ERG: variants seen among roughly 807,000 people sequenced by gnomAD.
ERG encodes transcriptional regulator ERG.
In ERG, 9 loss-of-function variants were observed where a neutral mutation model predicts 55.3. The observed-to-expected ratio is 0.16, with a 90% confidence interval of 0.10 to 0.28. ERG has a LOEUF of 0.28. Ranked by LOEUF, ERG falls within the 10% of genes least tolerant of loss-of-function variation. ERG has a pLI of 1.00. For missense variants in ERG, 434 were observed against 631.6 expected (o/e 0.69, Z 3.35); for synonymous variants, 223 against 237.3 (o/e 0.94, Z 0.55).
At chr21:38,542,611 A>C (rs992440942) in intron 2 of ERG, among the ~76,000 whole-genome samples, 5 of 152,158 alleles carry the variant, frequency 3.3e-5, no homozygotes, top group African/African-American at 1.2e-4. Flanking sequence ...AAAATAGAGA[A>C]ATAGATTGGT....
intron 3 of ERG, among the ~76,000 whole-genome samples, chr21:38,412,919 C>T (rs536559530): frequency 3.3e-5 from 5 of 152,202 alleles, no homozygotes; most frequent in African/African-American, 4.8e-5. Flanking sequence ...ATGAAGATTT[C>T]GTATTTACTT....
intron 2 of ERG, among the ~76,000 whole-genome samples, chr21:38,433,053 C>A (rs945997177): frequency 1.3e-5 from 2 of 152,134 alleles, no homozygotes; most frequent in African/African-American, 4.8e-5. Flanking sequence ...TGGAAGGTGG[C>A]AATGTTTATG....
intron 1 of ERG, among the ~76,000 whole-genome samples, chr21:38,578,330 T>C (rs964969384): frequency 2.6e-5 from 4 of 152,196 alleles, no homozygotes; most frequent in Non-Finnish European, 5.9e-5. Flanking sequence ...AGAGGGTAAA[T>C]AGCTTGTTTC....
intron 2 of ERG, among the ~76,000 whole-genome samples, chr21:38,519,489 G>C (rs1046386342): frequency 6.6e-6 from 1 of 152,090 alleles, no homozygotes; most frequent in Admixed American, 6.6e-5. Flanking sequence ...AAGAGAGAAA[G>C]CTGGAGAAAA....
the ERG span, among the ~76,000 whole-genome samples, chr21:38,373,346 T>C: frequency 3.9e-5 from 6 of 152,254 alleles, no homozygotes; most frequent in Admixed American, 3.9e-4. Flanking sequence ...CCAAGAACTT[T>C]GAGAAGTTCA....
intron 1 of ERG, among the ~76,000 whole-genome samples, chr21:38,637,289 C>G (rs966117107): frequency 1.3e-5 from 2 of 152,062 alleles, no homozygotes; most frequent in African/African-American, 4.8e-5. Context: ...GACCCACCTG[C>G]GAATTGGCAA....
At chr21:38,470,763 CT>C (rs1319640844) in intron 1 of ERG, 1 of 152,186 alleles carries the variant, frequency 6.6e-6, no homozygotes, top group Non-Finnish European at 1.5e-5. Context: ...CCATTAAATT[CT>C]GTTTCATTTA....
intron 1 of ERG, among the ~76,000 whole-genome samples, chr21:38,577,441 T>C (rs951727796): frequency 7.2e-5 from 11 of 152,090 alleles, no homozygotes; most frequent in Admixed American, 5.9e-4. Flanking sequence ...AAATATGTAC[T>C]TCCCCCCACC....
chr21:38,628,758 G>A (rs1052022219), intron 1 of ERG, among the ~76,000 whole-genome samples: 8 of 152,236 alleles, frequency 5.3e-5, no homozygotes, highest in Middle Eastern at 3.4e-3. Flanking sequence ...CACACCTTTC[G>A]TGCTCCAGAG....
chr21:38,589,221 A>G (rs950356290), upstream of ERG, among the ~76,000 whole-genome samples: 1 of 151,944 alleles, frequency 6.6e-6, no homozygotes. Context: ...AGTAGCCTGG[A>G]CCCCACGTGC....
intron 1 of ERG, among the ~76,000 whole-genome samples, chr21:38,463,916 A>G (rs1388899317): frequency 1.3e-5 from 2 of 151,862 alleles, no homozygotes; most frequent in Non-Finnish European, 2.9e-5. Context: ...TTTTTCACAC[A>G]CCCTTTTTAT....
rs937002909 is a variant in ERG at position 38,380,849 on chromosome 21, T to G, written c.*2554A>C. 6 of 1,065,040 alleles carry G rather than the reference T, an allele frequency of 5.6e-6. No homozygotes were observed. The African/African-American group carries it at 9.8e-5, about 17-fold the overall frequency. 66.0% of individuals were successfully genotyped at this position (1,065,040 alleles called of 1,614,324 possible). ...TATGATCTTGCTCATGAGACAGTCT[T>G]GAAGAGAGAACTGAGTGATTATCCA... On this transcript the variant is annotated 3_prime_UTR_variant, in exon 10 of 10. Transcript: ENST00000288319.
chr21:38,479,272 G>GA (rs2059215942), intron 1 of ERG, among the ~76,000 whole-genome samples: 1 of 152,182 alleles, frequency 6.6e-6, no homozygotes, highest in African/African-American at 2.4e-5. Context: ...GACCTGGTCT[G>GA]TTGGGAGATA....
At chr21:38,371,583 T>C in the ERG span, among the ~76,000 whole-genome samples, 2 of 152,052 alleles carry the variant, frequency 1.3e-5, no homozygotes, top group African/African-American at 4.8e-5. Context: ...TAATAAGATA[T>C]AGATGCTTAA....
intron 9 of ERG, among the ~76,000 whole-genome samples, chr21:38,385,610 A>G (rs960433523): frequency 1.3e-5 from 2 of 152,350 alleles, no homozygotes; most frequent in East Asian, 1.9e-4. Context: ...TCTATGCTGG[A>G]AAGTGCTCAT....
chr21:38,477,432 G>A (rs1057395011), intron 1 of ERG, among the ~76,000 whole-genome samples: 5 of 152,032 alleles, frequency 3.3e-5, no homozygotes, highest in East Asian at 3.9e-4. Context: ...TTTAATCTCC[G>A]AGAAGTTATT....
rs774459423 is a variant in ERG, at chr21:38,391,663, C to A, written c.867G>T (p.Gln289His). ...TVPKTEDQRPQLDPYQILGPT... is the reference protein window; with the variant it reads ...TVPKTEDQRPHLDPYQILGPT... ...CAGACGGCCCCTGAAACATACCTAACTGAGGACGCTGGTCTTCAGTTTTGG... is the reference window on the plus strand; with the variant it reads ...CAGACGGCCCCTGAAACATACCTAAATGAGGACGCTGGTCTTCAGTTTTGG... Residue 289 changes from glutamine (Q) to histidine (H), a missense_variant, in exon 8 of 10, where the codon CAG (glutamine) becomes CAT (histidine). Coordinates refer to ENST00000288319, the MANE Select transcript of ERG (RefSeq NM_182918.4). 12 of 1,613,332 alleles carry A rather than the reference C, an allele frequency of 7.4e-6. No individual in the cohort carries two copies. The South Asian group carries it at 1.3e-4, about 18-fold the overall frequency.
chr21:38,628,389 T>C lies in ERG; in HGVS notation c.-150+33269A>G, dbSNP rs2060337972. ...CATTTAAAAAACATTGTCAAGAGCT[T>C]TGCCCATCTAAGGGACCACATGAGC... On this transcript the variant is annotated intron_variant, in intron 1 of 10. Transcript: ENST00000398910. Among the ~76,000 whole-genome samples, 4 of 152,148 alleles carry C rather than the reference T, an allele frequency of 2.6e-5. No individual in the cohort carries two copies. The South Asian group carries it at 8.3e-4, about 32-fold the overall frequency.
intron 2 of ERG, among the ~76,000 whole-genome samples, chr21:38,423,813 C>T (rs969816152): frequency 6.6e-6 from 1 of 152,024 alleles, no homozygotes; most frequent in African/African-American, 2.4e-5. Flanking sequence ...TGGTGAAACC[C>T]CGTCTCTACT....
Sources: allele counts gnomAD v4.1 joint callset (sites outside exome capture counted in the v4.1 genomes callset), GRCh38; gene constraint gnomAD v4.1.1; transcripts MANE v1.5; gene names NCBI Gene and HGNC (gene_info 2026-07-23, HGNC 2026-07-21).